TRIT1: variants seen among roughly 807,000 people sequenced by gnomAD.
The protein encoded by TRIT1 is tRNA isopentenyltransferase 1.
A neutral mutation model predicts 51.2 loss-of-function variants in TRIT1; 43 were observed. The ratio of observed to expected loss-of-function variants is 0.84; its 90% CI spans 0.66 to 1.08. The LOEUF (loss-of-function observed/expected upper bound fraction) is 1.08, where lower values mean the gene tolerates loss of function less well. Ranked by LOEUF, TRIT1 falls within the 50% of genes least tolerant of loss-of-function variation. The pLI is 0.00. For synonymous variants in TRIT1, 184 were observed against 203.9 expected (o/e 0.90, Z 0.83); for missense variants, 528 against 578.4 (o/e 0.91, Z 0.89).
rs540943461 is a variant in TRIT1 at position 39,851,332 on chromosome 1, C to T, written c.561-1071G>A. Among the ~76,000 whole-genome samples, 3 of 152,142 alleles carry T rather than the reference C, an allele frequency of 2.0e-5. No individual in the cohort carries two copies. The South Asian group carries it at 6.2e-4, about 32-fold the overall frequency. On this transcript the variant is annotated intron_variant, in intron 4 of 10. Transcript: ENST00000316891. ...AGAAAAAATTCTCAAACTCATTACT[C>T]GTTTAGACGCAGCAAAATGAGAAGT... is the stretch of plus-strand genomic sequence containing the variant.
At position 39,839,462 on chromosome 1, in the gene TRIT1, G is replaced by A. The variant is rs551682967; in HGVS notation, c.*2282C>T. 1.3e-5 allele frequency among the ~76,000 whole-genome samples: 2 copies of A among 152,118 alleles called. No homozygotes were observed. The highest frequency in any genetic ancestry group is 3.9e-4 in the East Asian group (2 of 5,190). On this transcript the variant is annotated 3_prime_UTR_variant, in exon 11 of 11. Transcript: ENST00000316891. ...AGAATTCTTTCATCTCTACATTTAC[G>A]ACCACCACAAGACAAATTACTTTCC...
chr1:39,859,420 T>C (rs982039297), intron 1 of TRIT1, among the ~76,000 whole-genome samples: 2 of 150,678 alleles, frequency 1.3e-5, no homozygotes, highest in African/African-American at 2.4e-5. Flanking sequence ...ACTGCGGCTC[T>C]ATAAAAAATG....
chr1:39,882,697 C>T (rs72939744), intron 1 of TRIT1, among the ~76,000 whole-genome samples: 166 of 152,366 alleles, frequency 1.1e-3, no homozygotes, highest in African/African-American at 3.6e-3. Context: ...CGCTCATGAT[C>T]CCATTTATTA....
intron 1 of TRIT1, among the ~76,000 whole-genome samples, chr1:39,873,126 A>C (rs1205485954): frequency 6.6e-6 from 1 of 152,214 alleles, no homozygotes; most frequent in Non-Finnish European, 1.5e-5. Flanking sequence ...GATTTCCAAC[A>C]AATAAGACTA....
chr1:39,870,203 G>A (rs1440270416), intron 1 of TRIT1, among the ~76,000 whole-genome samples: 3 of 152,080 alleles, frequency 2.0e-5, no homozygotes, highest in East Asian at 1.9e-4. Context: ...TTAATCTATG[G>A]CCTTACCCCC....
chr1:39,878,260 A>G (rs74067813), intron 1 of TRIT1, among the ~76,000 whole-genome samples: 2 of 152,240 alleles, frequency 1.3e-5, no homozygotes, highest in African/African-American at 4.8e-5. Context: ...AAGTCACTGC[A>G]TATCAGGCTA....
chr1:39,854,102 GA>G, intron 2 of TRIT1, 34 bp from the exon 3 acceptor site: 1 of 1,453,860 alleles, frequency 6.9e-7, no homozygotes. Context: ...GATATCAAGA[GA>G]ATCCTGACTC....
At chr1:39,841,938 C>A (rs1256774332) in intron 10 of TRIT1, 25 bp from the exon 11 acceptor site, 6 of 1,578,444 alleles carry the variant, frequency 3.8e-6, no homozygotes, top group Admixed American at 4.0e-5. Flanking sequence ...TCAAACCAAA[C>A]AAACAAAAAA....
At chr1:39,861,051 T>C (rs946772931) in intron 1 of TRIT1, among the ~76,000 whole-genome samples, 2 of 152,188 alleles carry the variant, frequency 1.3e-5, no homozygotes, top group African/African-American at 4.8e-5. Flanking sequence ...CACTCTAGCC[T>C]GGGCGACGGA....
At chr1:39,850,488 T>A (rs544881038) in intron 4 of TRIT1, among the ~76,000 whole-genome samples, 1 of 152,124 alleles carries the variant, frequency 6.6e-6, no homozygotes, top group African/African-American at 2.4e-5. Context: ...ACAGACCCTG[T>A]CTCTTCAAAA....
chr1:39,878,332 A>C (rs1644136232), intron 1 of TRIT1, among the ~76,000 whole-genome samples: 1 of 152,206 alleles, frequency 6.6e-6, no homozygotes, highest in Non-Finnish European at 1.5e-5. Flanking sequence ...TTTTACCTCA[A>C]AGCTTAAAGT....
Position 39,847,233 on chromosome 1 carries a change from G to T in TRIT1, c.993C>A (p.Asn331Lys). Residue 331 changes from asparagine to lysine, a missense_variant, in exon 8 of 11, where the codon AAC becomes AAA. Coordinates refer to ENST00000316891, the MANE Select transcript of TRIT1 (RefSeq NM_017646.6). Reference sequence around the variant, plus strand: ...CATGAGACTTACTGCTCAAAAAACGGTTTTTAACCCATCGGTTTTGTTTCC... The same window carrying T: ...CATGAGACTTACTGCTCAAAAAACGTTTTTTAACCCATCGGTTTTGTTTCC... ...YARKQNRWVK[N>K]RFLSRPGPIV... The T allele has an allele frequency of 1.9e-6, 3 of 1,614,046 alleles. No individual in the cohort carries two copies. The highest frequency in any genetic ancestry group is 2.2e-5 in the East Asian group (1 of 44,878).
intron 8 of TRIT1, chr1:39,846,970 A>C (rs1296386179): frequency 2.6e-6 from 1 of 380,108 alleles, no homozygotes; most frequent in African/African-American, 2.1e-5. Context: ...TGTTCTTCTT[A>C]GCTGTTTGCA....
At chr1:39,870,908 T>G (rs564303675) in intron 1 of TRIT1, among the ~76,000 whole-genome samples, 3 of 152,168 alleles carry the variant, frequency 2.0e-5, no homozygotes, top group African/African-American at 7.2e-5. Flanking sequence ...AATAGGTGAA[T>G]AGACACCAGG....
Position 39,854,692 on chromosome 1 carries a change from T to C in TRIT1, c.316-624A>G, listed in dbSNP as rs185812608. On this transcript the variant is annotated intron_variant, in intron 2 of 10. Coordinates refer to ENST00000316891, the MANE Select transcript of TRIT1 (RefSeq NM_017646.6). ...CATGAGCCTTAAATGTGACAATTCA[T>C]AGAAATCCCCTATCACAATGCCTAA... Among the ~76,000 whole-genome samples the C allele has an allele frequency of 7.9e-5, 12 of 152,336 alleles. No individual in the cohort carries two copies. The East Asian group carries it at 1.7e-3, about 22-fold the overall frequency.
chr1:39,876,939 A>C (rs998638933), intron 1 of TRIT1, among the ~76,000 whole-genome samples: 20 of 150,126 alleles, frequency 1.3e-4, no homozygotes, highest in African/African-American at 3.7e-4. Flanking sequence ...AAAAAAAAAA[A>C]CAAAAAAAAA....
Position 39,844,653 on chromosome 1 carries a change from A to C in TRIT1, c.1007-13T>G. The C allele has an allele frequency of 6.3e-7, 1 of 1,598,990 alleles. No homozygotes were observed. Among genetic ancestry groups the C allele is most frequent in the Non-Finnish European group, 8.6e-7 (1 of 1,166,408 alleles). Reference sequence around the variant, plus strand: ...ATGGGACCAGGTCCTAATGATGACAAAGAAAGGTTGTGAGAGGTCAGCCTC... The same window carrying C: ...ATGGGACCAGGTCCTAATGATGACACAGAAAGGTTGTGAGAGGTCAGCCTC... On this transcript the variant is annotated splice_polypyrimidine_tract_variant and intron_variant, in intron 8 of 10. Coordinates refer to ENST00000316891, the MANE Select transcript of TRIT1 (RefSeq NM_017646.6).
rs1450776369 is a variant in TRIT1, at chr1:39,841,765, T to G, written c.1383A>C (p.Gln461His). 1.2e-6 allele frequency: 2 copies of G among 1,612,336 alleles called. No individual in the cohort carries two copies. The highest frequency in any genetic ancestry group is 1.7e-6 in the Non-Finnish European group (2 of 1,179,536). ...TCTCTTAAACGCTGCATTTCAGCTC[T>G]TGATCATTCTGCCCTGGGGATCCCT... ...KEKGSPGQNDQELKCSV is the reference protein window; with the variant it reads ...KEKGSPGQNDHELKCSV The change falls in exon 11 of 11, where the codon CAA becomes CAC. Residue 461 changes from glutamine to histidine, a missense_variant. By Grantham distance (24) the Gln-to-His change is conservative. Transcript: ENST00000316891.
Position 39,852,720 on chromosome 1 carries a change from G to C in TRIT1, c.560+11C>G. 6.2e-7 allele frequency: 1 copy of C among 1,612,566 alleles called. No individual in the cohort carries two copies. The highest frequency in any genetic ancestry group is 8.5e-7 in the Non-Finnish European group (1 of 1,179,406). ...AAAGGAATTTGGGGTCAGCGCGCCA[G>C]GCTTTCTTACCTGGCCACTTTGCGT... On this transcript the variant is annotated intron_variant, in intron 4 of 10. Coordinates refer to ENST00000316891, the MANE Select transcript of TRIT1 (RefSeq NM_017646.6).
Sources: allele counts gnomAD v4.1 joint callset (sites outside exome capture counted in the v4.1 genomes callset), GRCh38; gene constraint gnomAD v4.1.1; transcripts MANE v1.5; gene names NCBI Gene and HGNC (gene_info 2026-07-23, HGNC 2026-07-21).